Variants in OCA2 observed in about 807,000 individuals in gnomAD.
OCA2 encodes P protein.
A neutral mutation model predicts 100.2 loss-of-function variants in OCA2; 77 were observed. That is an observed-to-expected ratio of 0.77 (90% CI 0.64 to 0.93). The LOEUF (loss-of-function observed/expected upper bound fraction) is 0.93. Among genes scored for constraint, OCA2 ranks in the 40% least tolerant of loss-of-function variants. OCA2 has a pLI of 0.00. For synonymous variants in OCA2, 432 were observed against 439.2 expected, an observed-to-expected ratio of 0.98 and a Z score of 0.21; for missense variants, 1,062 against 1,089.1, an observed-to-expected ratio of 0.98 and a Z score of 0.35.
At chr15:28,013,800 G>T (rs533087722) in intron 9 of OCA2, among the ~76,000 whole-genome samples, 1 of 152,146 alleles carries the variant, frequency 6.6e-6, no homozygotes, top group Non-Finnish European at 1.5e-5. Context: ...TCAAATCACA[G>T]GGTGGTCATG....
chr15:28,090,041 G>A (rs767246752), intron 1 of OCA2, among the ~76,000 whole-genome samples: 2 of 152,170 alleles, frequency 1.3e-5, no homozygotes, highest in Non-Finnish European at 2.9e-5. Flanking sequence ...AAGAAAGTAG[G>A]AGCGGTTATA....
the OCA2 span, among the ~76,000 whole-genome samples, chr15:27,735,649 T>C: frequency 1.3e-5 from 2 of 152,020 alleles, no homozygotes; most frequent in African/African-American, 2.4e-5. Flanking sequence ...GGAGTTACAA[T>C]ATGGCTAGCA....
intron 1 of OCA2, among the ~76,000 whole-genome samples, chr15:28,097,690 A>T (rs1181105944): frequency 2.6e-5 from 4 of 152,106 alleles, no homozygotes; most frequent in African/African-American, 7.2e-5. Flanking sequence ...CTAGACATAA[A>T]GGTACCCAAA....
intron 19 of OCA2, among the ~76,000 whole-genome samples, chr15:27,889,286 C>G (rs762252292): frequency 1.3e-5 from 2 of 152,164 alleles, no homozygotes; most frequent in Admixed American, 6.5e-5. Context: ...TCAACTCATG[C>G]TCTCTCTCAC....
intron 19 of OCA2, among the ~76,000 whole-genome samples, chr15:27,873,017 G>T (rs1001296049): frequency 2.6e-5 from 4 of 152,198 alleles, no homozygotes; most frequent in African/African-American, 9.6e-5. Flanking sequence ...TTAAGCTTCA[G>T]AATCTCAATC....
intron 23 of OCA2, among the ~76,000 whole-genome samples, chr15:27,780,502 T>G (rs1177650302): frequency 6.6e-6 from 1 of 152,236 alleles, no homozygotes; most frequent in African/African-American, 2.4e-5. Flanking sequence ...GGCTCATGCC[T>G]GCCTGTCCCA....
intron 19 of OCA2, among the ~76,000 whole-genome samples, chr15:27,901,241 G>A (rs1029913989): frequency 6.6e-6 from 1 of 152,248 alleles, no homozygotes; most frequent in African/African-American, 2.4e-5. Context: ...AGGCACAAGT[G>A]GAGGACTGTC....
intron 5 of OCA2, 78 bp from the exon 6 acceptor site, chr15:28,022,651 A>G: frequency 9.3e-7 from 1 of 1,070,840 alleles, no homozygotes; most frequent in Non-Finnish European, 1.4e-6. Context: ...ATAACAGTCG[A>G]AAACAGATGT....
the OCA2 span, among the ~76,000 whole-genome samples, chr15:27,720,021 A>G: frequency 6.6e-6 from 1 of 152,174 alleles, no homozygotes; most frequent in African/African-American, 2.4e-5. Flanking sequence ...ATCTTAACAA[A>G]ATTTAAACTC....
Position 27,959,798 on chromosome 15 carries a change from C to T in OCA2, c.1637-2063G>A, listed in dbSNP as rs114347343. On this transcript the variant is annotated intron_variant, in intron 15 of 23. Transcript: ENST00000354638. The stretch of plus-strand genomic sequence containing the variant: ...CACCTTCATGCACACCCAGCACCTA[C>T]CTGCCTTCTAACCCATAAAACCAAA... 6.9e-3 allele frequency among the ~76,000 whole-genome samples: 1,058 copies of T among 152,308 alleles called. 17 individuals are homozygous for T. Among genetic ancestry groups the T allele is most frequent in the African/African-American group, 0.024 (981 of 41,558 alleles).
intron 9 of OCA2, among the ~76,000 whole-genome samples, chr15:28,013,643 G>C (rs2042302001): frequency 1.3e-5 from 2 of 152,080 alleles, no homozygotes. Flanking sequence ...GGAGGGAGGG[G>C]CGTGCTCTGT....
At chr15:27,871,785 G>C (rs1322310645) in intron 20 of OCA2, 78 bp downstream of exon 20, 7 of 1,029,966 alleles carry the variant, frequency 6.8e-6, no homozygotes, top group East Asian at 2.4e-5. Context: ...TCTTACCAGA[G>C]TGCTTTTTTT....
At chr15:28,036,232 C>G (rs532992384) in intron 2 of OCA2, among the ~76,000 whole-genome samples, 55 of 152,284 alleles carry the variant, frequency 3.6e-4, no homozygotes, top group Non-Finnish European at 6.0e-4. Flanking sequence ...GGGTAAATAA[C>G]AAACACTATG....
At chr15:27,841,788 G>C (rs1466011124) in intron 23 of OCA2, among the ~76,000 whole-genome samples, 1 of 152,176 alleles carries the variant, frequency 6.6e-6, no homozygotes, top group Non-Finnish European at 1.5e-5. Flanking sequence ...AATATTCAGT[G>C]TTTATACAGA....
the OCA2 span, among the ~76,000 whole-genome samples, chr15:27,733,061 G>A: frequency 6.6e-6 from 1 of 152,148 alleles, no homozygotes; most frequent in African/African-American, 2.4e-5. Flanking sequence ...AAATCCATTA[G>A]CACTCGTCTC....
chr15:27,721,148 T>G, the OCA2 span, among the ~76,000 whole-genome samples: 2 of 152,226 alleles, frequency 1.3e-5, no homozygotes, highest in African/African-American at 4.8e-5. Flanking sequence ...AGAGTTTTTA[T>G]TTAGTTTTAA....
Position 27,980,584 on chromosome 15 carries a change from T to C in OCA2, c.1503+2761A>G, listed in dbSNP as rs141761927. 7.0e-3 allele frequency among the ~76,000 whole-genome samples: 1,059 copies of C among 152,318 alleles called. 18 individuals carry two copies. The highest frequency in any genetic ancestry group is 0.024 in the African/African-American group (982 of 41,552). Reference sequence around the variant, plus strand: ...ACCATGTGGGTCTGCTGCTGATGCATTCTTTTTAGCTTTTCTATATGAGAA... The same window carrying C: ...ACCATGTGGGTCTGCTGCTGATGCACTCTTTTTAGCTTTTCTATATGAGAA... On this transcript the variant is annotated intron_variant, in intron 14 of 23. Transcript: ENST00000354638.
At chr15:27,851,236 G>T (rs544933063) in intron 22 of OCA2, 146 bp downstream of exon 22, 1 of 759,196 alleles carries the variant, frequency 1.3e-6, no homozygotes, top group African/African-American at 1.7e-5. Flanking sequence ...GAATTGCTCT[G>T]TCAAAGCTGA....
chr15:27,741,187 T>C, the OCA2 span, among the ~76,000 whole-genome samples: 1 of 152,218 alleles, frequency 6.6e-6, no homozygotes, highest in Non-Finnish European at 1.5e-5. Context: ...CTTCACCAAC[T>C]GGACACTTCA....
Sources: allele counts gnomAD v4.1 joint callset (sites outside exome capture counted in the v4.1 genomes callset), GRCh38; gene constraint gnomAD v4.1.1; transcripts MANE v1.5; gene names NCBI Gene and HGNC (gene_info 2026-07-23, HGNC 2026-07-21).